DPP6: variants seen among roughly 807,000 people sequenced by gnomAD.
DPP6 encodes A-type potassium channel modulatory protein DPP6.
Under a neutral mutation model 122.6 loss-of-function variants are expected in DPP6, and 69 were observed. That is an observed-to-expected ratio of 0.56 (90% CI 0.46 to 0.69). The LOEUF is 0.69. Ranked by LOEUF, DPP6 falls within the 30% of genes least tolerant of loss-of-function variation. The pLI is 0.00. For synonymous variants in DPP6, 418 were observed against 433.1 expected (o/e 0.97, Z 0.43); for missense variants, 928 against 1,116.9 (o/e 0.83, Z 2.41).
intron 5 of DPP6, among the ~76,000 whole-genome samples, chr7:154,575,745 G>C (rs1396530098): frequency 2.7e-5 from 4 of 148,546 alleles, no homozygotes; most frequent in Non-Finnish European, 6.0e-5. Context: ...GTGTATGTGT[G>C]TGTGGTGTGT....
intron 1 of DPP6, among the ~76,000 whole-genome samples, chr7:154,275,367 C>T (rs1459073744): frequency 6.6e-6 from 1 of 152,166 alleles, no homozygotes; most frequent in East Asian, 1.9e-4. Flanking sequence ...CTAGAATACA[C>T]ATTTAAGCCT....
intron 1 of DPP6, among the ~76,000 whole-genome samples, chr7:154,404,906 G>A (rs905767935): frequency 3.3e-5 from 5 of 152,116 alleles, no homozygotes; most frequent in African/African-American, 1.2e-4. Flanking sequence ...GTTTATGATA[G>A]CAATTTTTTA....
chr7:154,301,520 C>T lies in DPP6; in HGVS notation c.244-144694C>T, dbSNP rs534087737. On this transcript the variant is annotated intron_variant, in intron 1 of 25. Transcript: ENST00000377770. ...CTGCACAACTTTAGGGGGGGTAACA[C>T]GTCCTGTATTTGCCAGTTGTTAACC... Among the ~76,000 whole-genome samples, 18 of 152,252 alleles carry T rather than the reference C, an allele frequency of 1.2e-4. No individual in the cohort carries two copies. The East Asian group carries it at 3.1e-3, about 26-fold the overall frequency.
At chr7:154,469,344 T>G (rs935925753) in intron 2 of DPP6, among the ~76,000 whole-genome samples, 3 of 152,262 alleles carry the variant, frequency 2.0e-5, no homozygotes, top group South Asian at 2.1e-4. Flanking sequence ...TGGATGACTC[T>G]AGAGAGATTT....
chr7:154,028,666 C>T (rs1283169040), intron 1 of DPP6, among the ~76,000 whole-genome samples: 4 of 152,264 alleles, frequency 2.6e-5, no homozygotes, highest in South Asian at 4.2e-4. Flanking sequence ...TTCCCCTCTC[C>T]TTTGGATATC....
chr7:154,308,439 A>T (rs1031450023), intron 1 of DPP6, among the ~76,000 whole-genome samples: 8 of 152,154 alleles, frequency 5.3e-5, no homozygotes, highest in Non-Finnish European at 1.2e-4. Flanking sequence ...CTCTTTGGAG[A>T]TGCTAAAGTT....
chr7:154,683,544 T>C (rs1254108215), intron 7 of DPP6, among the ~76,000 whole-genome samples: 2 of 152,138 alleles, frequency 1.3e-5, no homozygotes, highest in Admixed American at 1.3e-4. Flanking sequence ...GCCTTCTTGG[T>C]TTTTCTACCC....
intron 1 of DPP6, among the ~76,000 whole-genome samples, chr7:154,136,594 C>T (rs1373725443): frequency 6.6e-6 from 1 of 152,116 alleles, no homozygotes; most frequent in Non-Finnish European, 1.5e-5. Flanking sequence ...TTTCAAAATG[C>T]TCTCACAAGC....
At chr7:153,971,415 T>C (rs181225851) in intron 1 of DPP6, among the ~76,000 whole-genome samples, 2 of 150,362 alleles carry the variant, frequency 1.3e-5, no homozygotes, top group Non-Finnish European at 3.0e-5. Context: ...TTACTGCTTT[T>C]ATTTCCTTTT....
the DPP6 span, among the ~76,000 whole-genome samples, chr7:153,810,829 A>T: frequency 6.6e-6 from 1 of 152,044 alleles, no homozygotes; most frequent in Non-Finnish European, 1.5e-5. Flanking sequence ...TTAAACATTA[A>T]TTTAGTGATA....
At chr7:153,936,582 G>A (rs1027728229) in intron 1 of DPP6, among the ~76,000 whole-genome samples, 3 of 152,016 alleles carry the variant, frequency 2.0e-5, no homozygotes, top group East Asian at 1.9e-4. Flanking sequence ...CGAGACAGCC[G>A]GATCACAAGG....
intron 17 of DPP6, among the ~76,000 whole-genome samples, chr7:154,859,294 G>T (rs981967829): frequency 3.3e-5 from 5 of 152,236 alleles, no homozygotes; most frequent in Non-Finnish European, 5.9e-5. Context: ...CCAGGAAAGC[G>T]GGGCCCATGG....
At chr7:154,059,869 G>C (rs985289819) in intron 1 of DPP6, among the ~76,000 whole-genome samples, 16 of 151,160 alleles carry the variant, frequency 1.1e-4, no homozygotes, top group African/African-American at 3.9e-4. Flanking sequence ...CCCCCTATTT[G>C]ACGGCCTTGG....
intron 5 of DPP6, among the ~76,000 whole-genome samples, chr7:154,611,880 G>GT (rs1833933362): frequency 6.6e-6 from 1 of 150,646 alleles, no homozygotes; most frequent in African/African-American, 2.5e-5. Context: ...TGTGTGTGTG[G>GT]TGTATGGGTG....
At chr7:154,839,425 G>T (rs530782761) in intron 16 of DPP6, among the ~76,000 whole-genome samples, 1 of 152,256 alleles carries the variant, frequency 6.6e-6, no homozygotes, top group African/African-American at 2.4e-5. Context: ...TGTGGCCAAA[G>T]TGCCTGGCTT....
At chr7:154,417,014 T>A (rs1457489722) in intron 1 of DPP6, among the ~76,000 whole-genome samples, 1 of 152,198 alleles carries the variant, frequency 6.6e-6, no homozygotes, top group Non-Finnish European at 1.5e-5. Context: ...AGACAAAAAG[T>A]CTATTACAAC....
At chr7:154,239,057 T>C (rs1373936790) in intron 1 of DPP6, among the ~76,000 whole-genome samples, 1 of 152,246 alleles carries the variant, frequency 6.6e-6, no homozygotes, top group East Asian at 1.9e-4. Context: ...AGGAAATGCA[T>C]GTGGAGGCGT....
chr7:154,502,625 G>C (rs1825349140), intron 3 of DPP6, among the ~76,000 whole-genome samples: 1 of 152,168 alleles, frequency 6.6e-6, no homozygotes, highest in South Asian at 2.1e-4. Flanking sequence ...ACATGGAACT[G>C]TAAGTCCAAT....
At chr7:154,374,133 A>G (rs925702192) in intron 1 of DPP6, among the ~76,000 whole-genome samples, 1 of 152,216 alleles carries the variant, frequency 6.6e-6, no homozygotes, top group African/African-American at 2.4e-5. Flanking sequence ...TAATGAGAGC[A>G]CATGAAGAAA....
Sources: allele counts gnomAD v4.1 joint callset (sites outside exome capture counted in the v4.1 genomes callset), GRCh38; gene constraint gnomAD v4.1.1; transcripts MANE v1.5; gene names NCBI Gene and HGNC (gene_info 2026-07-23, HGNC 2026-07-21).